RAD51: variants seen among roughly 807,000 people sequenced by gnomAD.
RAD51 encodes DNA repair protein RAD51 homolog 1.
Under a neutral mutation model 41.5 loss-of-function variants are expected in RAD51, and 14 were observed. The ratio of observed to expected loss-of-function variants is 0.34; its 90% CI spans 0.22 to 0.53. The LOEUF (loss-of-function observed/expected upper bound fraction) is 0.53. RAD51 is among the 20% of genes least tolerant of loss of function. The probability of loss-of-function intolerance (pLI) is 0.95; values close to 1 mark genes in which losing one functional copy is unlikely to be tolerated. For missense variants in RAD51, 234 were observed against 422.0 expected (o/e 0.55, Z 3.90); for synonymous variants, 136 against 148.6 (o/e 0.92, Z 0.62).
chr15:40,710,717 C>T (rs1326373842), intron 5 of RAD51, among the ~76,000 whole-genome samples: 1 of 152,076 alleles, frequency 6.6e-6, no homozygotes, highest in Non-Finnish European at 1.5e-5. Context: ...AAAACCTAAC[C>T]TGCTCTTTGC....
chr15:40,703,253 C>T (rs1178065795), intron 3 of RAD51, among the ~76,000 whole-genome samples: 1 of 152,072 alleles, frequency 6.6e-6, no homozygotes, highest in African/African-American at 2.4e-5. Flanking sequence ...ATGTTTGTTG[C>T]ACTGAAATGA....
In RAD51 at chr15:40,731,531, C is replaced by G; in HGVS notation, c.*353C>G. The G allele has an allele frequency of 2.8e-6, 1 of 353,570 alleles. No individual in the cohort carries two copies. Among genetic ancestry groups the G allele is most frequent in the Non-Finnish European group, 5.3e-6 (1 of 190,236 alleles). 21.9% of individuals were successfully genotyped at this position (353,570 alleles called of 1,614,324 possible). A position where few individuals can be genotyped will look rare whatever the true frequency, so the allele number is the denominator to read the frequency against. The stretch of plus-strand genomic sequence containing the variant: ...CCAAGAGAACTAAAGCTGGAGAGAC[C>G]TGACCCTTCTCTCACTTCTAAATTA... On this transcript the variant is annotated 3_prime_UTR_variant, in exon 10 of 10. Coordinates refer to ENST00000267868, the MANE Select transcript of RAD51 (RefSeq NM_002875.5).
chr15:40,702,543 C>T (rs1051780717), intron 3 of RAD51, among the ~76,000 whole-genome samples: 6 of 151,986 alleles, frequency 3.9e-5, no homozygotes, highest in Admixed American at 2.0e-4. Flanking sequence ...GGCAGAGTGT[C>T]GCTGTGTCAC....
At chr15:40,718,188 A>G (rs1896078958) in intron 5 of RAD51, among the ~76,000 whole-genome samples, 1 of 151,422 alleles carries the variant, frequency 6.6e-6, no homozygotes, top group African/African-American at 2.4e-5. Flanking sequence ...GCACCACTGC[A>G]CTCCAGCCTG....
chr15:40,703,193 T>C (rs1895109729), intron 3 of RAD51, among the ~76,000 whole-genome samples: 1 of 152,180 alleles, frequency 6.6e-6, no homozygotes, highest in Non-Finnish European at 1.5e-5. Flanking sequence ...TTTCTCCATA[T>C]CCTTCAGAGT....
chr15:40,705,693 C>A (rs976679147), intron 3 of RAD51, among the ~76,000 whole-genome samples: 1 of 152,190 alleles, frequency 6.6e-6, no homozygotes, highest in Non-Finnish European at 1.5e-5. Context: ...CAAGCTCCGC[C>A]TCCCGGGTTC....
At chr15:40,700,938 A>C in intron 2 of RAD51, 126 bp from the exon 3 acceptor site, 12 of 852,284 alleles carry the variant, frequency 1.4e-5, no homozygotes, top group East Asian at 8.6e-5. Context: ...CGCCCCCCCA[A>C]GGATTTCAAG....
intron 6 of RAD51, 47 bp downstream of exon 6, chr15:40,718,946 T>C: frequency 1.3e-6 from 2 of 1,502,894 alleles, no homozygotes; most frequent in Non-Finnish European, 1.9e-6. Flanking sequence ...CACTTATCAA[T>C]GTAGTGATTG....
intron 4 of RAD51, among the ~76,000 whole-genome samples, chr15:40,708,143 G>C (rs963852480): frequency 2.7e-5 from 4 of 146,994 alleles, no homozygotes; most frequent in Admixed American, 6.9e-5. Context: ...TCCGCCTCCC[G>C]AGTAGCTGGG....
intron 6 of RAD51, among the ~76,000 whole-genome samples, chr15:40,728,364 G>T (rs1362878635): frequency 6.6e-6 from 1 of 152,096 alleles, no homozygotes; most frequent in African/African-American, 2.4e-5. Flanking sequence ...GGCTGAGGCA[G>T]GAGAATCGCG....
At chr15:40,719,167 C>T (rs533107313) in intron 6 of RAD51, among the ~76,000 whole-genome samples, 49 of 151,842 alleles carry the variant, frequency 3.2e-4, no homozygotes, top group Middle Eastern at 3.4e-3. Context: ...AAGCAACTCT[C>T]CCACCTCAGC....
At chr15:40,719,034 C>T (rs576175597) in intron 6 of RAD51, 135 bp downstream of exon 6, 1 of 779,376 alleles carries the variant, frequency 1.3e-6, no homozygotes, top group Admixed American at 2.2e-5. Flanking sequence ...AAAAGAATGA[C>T]TTCCTTAGTA....
chr15:40,710,407 C>T (rs900471833), intron 5 of RAD51, among the ~76,000 whole-genome samples: 2 of 146,136 alleles, frequency 1.4e-5, no homozygotes, highest in Non-Finnish European at 3.0e-5. Context: ...GAGACTGAGG[C>T]AGGAGAATCG....
At chr15:40,713,994 CTTT>C (rs749995356) in intron 5 of RAD51, among the ~76,000 whole-genome samples, 13 of 114,930 alleles carry the variant, frequency 1.1e-4, no homozygotes, top group Admixed American at 2.1e-4. Context: ...GAAATAAATT[CTTT>C]TTTTTTTTTT....
chr15:40,728,336 G>A (rs73396569), intron 6 of RAD51, among the ~76,000 whole-genome samples: 256 of 152,146 alleles, frequency 1.7e-3, no homozygotes, highest in African/African-American at 5.9e-3. Context: ...GTGCTGCATA[G>A]CTCCATGCTA....
intron 5 of RAD51, among the ~76,000 whole-genome samples, chr15:40,714,396 A>G (rs1287382828): frequency 2.6e-5 from 4 of 152,232 alleles, no homozygotes; most frequent in Admixed American, 1.3e-4. Flanking sequence ...CTTATGTAGA[A>G]TAAGTATTTA....
intron 3 of RAD51, among the ~76,000 whole-genome samples, chr15:40,705,643 C>T (rs189355579): frequency 3.0e-4 from 45 of 152,204 alleles, no homozygotes; most frequent in African/African-American, 9.1e-4. Context: ...CTCGCTCTGT[C>T]CCCCAGGCTG....
rs570998187 is a variant in RAD51, at chr15:40,698,191, T to G, written c.-2-566T>G. On this transcript the variant is annotated intron_variant, in intron 1 of 9. Transcript: ENST00000267868. ...TCCTTGTATGAGATGAACTTTTTTT[T>G]TTTTGTTTTTTTTTTTGAGACACAG... Among the ~76,000 whole-genome samples, 4 of 151,908 alleles carry G rather than the reference T, an allele frequency of 2.6e-5. No homozygotes were observed. In the East Asian group the frequency reaches 5.8e-4, roughly 22 times the overall value.
chr15:40,715,357 AAAAAAACC>A (rs140265276), intron 5 of RAD51, among the ~76,000 whole-genome samples: 74,986 of 151,654 alleles, frequency 0.49, 19,356 homozygotes, highest in East Asian at 0.77. Flanking sequence ...TCTGTCTCAA[AAAAAAACC>A]AAAAACCAAA....
Sources: allele counts gnomAD v4.1 joint callset (sites outside exome capture counted in the v4.1 genomes callset), GRCh38; gene constraint gnomAD v4.1.1; transcripts MANE v1.5; gene names NCBI Gene and HGNC (gene_info 2026-07-23, HGNC 2026-07-21).